CADM2: variants seen among roughly 807,000 people sequenced by gnomAD.
The protein encoded by CADM2 is cell adhesion molecule 2.
In CADM2, 12 loss-of-function variants were observed where a neutral mutation model predicts 49.8. The ratio of observed to expected loss-of-function variants is 0.24; its 90% CI spans 0.15 to 0.39. The LOEUF (loss-of-function observed/expected upper bound fraction) is 0.39, where lower values mean the gene tolerates loss of function less well. Ranked by LOEUF, CADM2 falls within the 10% of genes least tolerant of loss-of-function variation. The pLI is 1.00. For synonymous variants in CADM2, 214 were observed against 175.4 expected (o/e 1.22, Z -1.74); for missense variants, 378 against 492.3 (o/e 0.77, Z 2.20).
At chr3:85,771,732 G>A (rs1485874817) in intron 2 of CADM2, among the ~76,000 whole-genome samples, 1 of 152,028 alleles carries the variant, frequency 6.6e-6, no homozygotes, top group Non-Finnish European at 1.5e-5. Flanking sequence ...ATGACACATT[G>A]ATAGAATTAT....
chr3:85,154,970 A>C (rs910894754), intron 1 of CADM2, among the ~76,000 whole-genome samples: 4 of 152,118 alleles, frequency 2.6e-5, no homozygotes, highest in African/African-American at 9.6e-5. Context: ...AACCGGTACC[A>C]GCCGCTGCAA....
intron 1 of CADM2, among the ~76,000 whole-genome samples, chr3:85,352,815 A>G (rs1466989896): frequency 6.6e-6 from 1 of 152,098 alleles, no homozygotes; most frequent in Admixed American, 6.6e-5. Flanking sequence ...TTAGTCTTTG[A>G]ATCTACTGTA....
intron 3 of CADM2, among the ~76,000 whole-genome samples, chr3:85,845,523 G>A (rs987772713): frequency 6.6e-6 from 1 of 152,136 alleles, no homozygotes; most frequent in Non-Finnish European, 1.5e-5. Context: ...CTTTAAGATT[G>A]TTCATTCATG....
At chr3:85,250,225 C>T (rs1016057665) in intron 1 of CADM2, among the ~76,000 whole-genome samples, 1 of 151,518 alleles carries the variant, frequency 6.6e-6, no homozygotes, top group Non-Finnish European at 1.5e-5. Context: ...ATAGTACAAA[C>T]AGCCTCTTGT....
rs146390237 is a variant in CADM2, at chr3:85,529,661, C to T, written c.62-196861C>T. ...TGTCTCTGACCTCCAGCTGCCACCA[C>T]TGAAGCATCATGTGGAGCCCCATCC... On this transcript the variant is annotated intron_variant, in intron 1 of 9. Coordinates refer to ENST00000383699, the MANE Select transcript of CADM2 (RefSeq NM_001167675.2). Among the ~76,000 whole-genome samples the T allele has an allele frequency of 9.2e-5, 14 of 152,142 alleles. No homozygotes were observed. In the East Asian group the frequency reaches 2.7e-3, roughly 30 times the overall value.
At chr3:85,615,470 C>T (rs924495014) in intron 1 of CADM2, among the ~76,000 whole-genome samples, 1 of 151,882 alleles carries the variant, frequency 6.6e-6, no homozygotes, top group Non-Finnish European at 1.5e-5. Context: ...ACAAAATAAT[C>T]TCAATGAGGC....
intron 1 of CADM2, among the ~76,000 whole-genome samples, chr3:85,586,703 A>G (rs991765421): frequency 6.6e-6 from 1 of 152,126 alleles, no homozygotes; most frequent in Non-Finnish European, 1.5e-5. Flanking sequence ...ATTCCTTTTA[A>G]TGAAAACAGC....
intron 8 of CADM2, among the ~76,000 whole-genome samples, chr3:86,026,881 A>G (rs1370311810): frequency 6.6e-6 from 1 of 152,162 alleles, no homozygotes; most frequent in Non-Finnish European, 1.5e-5. Flanking sequence ...AATAAAATAT[A>G]TTGGTTCAAA....
At chr3:85,847,754 G>T (rs574380896) in intron 3 of CADM2, among the ~76,000 whole-genome samples, 1 of 152,016 alleles carries the variant, frequency 6.6e-6, no homozygotes, top group Non-Finnish European at 1.5e-5. Context: ...CCCTTAAAAG[G>T]CCCATTAATG....
intron 3 of CADM2, among the ~76,000 whole-genome samples, chr3:85,861,439 G>A (rs1305921603): frequency 1.3e-5 from 2 of 152,096 alleles, no homozygotes; most frequent in Non-Finnish European, 2.9e-5. Context: ...GACATAAAAT[G>A]GAGTGGGAAA....
Position 86,018,560 on chromosome 3 carries a change from G to T in CADM2, c.971-47045G>T, listed in dbSNP as rs1176064475. On this transcript the variant is annotated intron_variant, in intron 8 of 9. Transcript: ENST00000383699. ...ACCTGTTGTTTCCTGACTTTTTAATGATTGCCATTCTAACTGGTGTGAGAT... is the reference window on the plus strand; with the variant it reads ...ACCTGTTGTTTCCTGACTTTTTAATTATTGCCATTCTAACTGGTGTGAGAT... 4.6e-5 allele frequency among the ~76,000 whole-genome samples: 7 copies of T among 152,230 alleles called. No individual in the cohort carries two copies. In the East Asian group the frequency reaches 1.4e-3, roughly 29 times the overall value.
chr3:85,336,954 TAA>T (rs2045097606), intron 1 of CADM2, among the ~76,000 whole-genome samples: 2 of 38,480 alleles, frequency 5.2e-5, no homozygotes, highest in Non-Finnish European at 2.0e-4. Flanking sequence ...TATATATATT[TAA>T]TATATATATT....
intron 1 of CADM2, among the ~76,000 whole-genome samples, chr3:85,569,342 C>CATCTAGCTT (rs2062408918): frequency 6.6e-6 from 1 of 151,938 alleles, no homozygotes; most frequent in South Asian, 2.1e-4. Flanking sequence ...TATATTTAAT[C>CATCTAGCTT]ATCTAGCCAT....
At chr3:84,992,795 C>T (rs143877891) in intron 1 of CADM2, among the ~76,000 whole-genome samples, 3 of 152,216 alleles carry the variant, frequency 2.0e-5, no homozygotes, top group African/African-American at 7.2e-5. Flanking sequence ...CCACTAATAT[C>T]TCAAAAGTGA....
chr3:85,766,236 A>G (rs1559641662), intron 2 of CADM2, among the ~76,000 whole-genome samples: 1 of 152,126 alleles, frequency 6.6e-6, no homozygotes, highest in Admixed American at 6.6e-5. Flanking sequence ...CCATATAACA[A>G]GGTGTATAAT....
intron 1 of CADM2, among the ~76,000 whole-genome samples, chr3:85,422,995 G>T (rs1312080592): frequency 6.6e-6 from 1 of 152,132 alleles, no homozygotes; most frequent in African/African-American, 2.4e-5. Flanking sequence ...CGTCCAGGAA[G>T]AATCAGGATA....
intron 1 of CADM2, among the ~76,000 whole-genome samples, chr3:85,610,219 G>A: frequency 6.6e-6 from 1 of 151,812 alleles, no homozygotes; most frequent in East Asian, 1.9e-4. Flanking sequence ...CAATCTTTAT[G>A]CAAAAGATCT....
chr3:85,947,791 G>A (rs898305275), intron 7 of CADM2, among the ~76,000 whole-genome samples: 7 of 151,544 alleles, frequency 4.6e-5, no homozygotes, highest in African/African-American at 1.7e-4. Flanking sequence ...TCTGCGGTGT[G>A]TTGGGCACTC....
At chr3:85,370,042 G>A (rs908684582) in intron 1 of CADM2, among the ~76,000 whole-genome samples, 145 of 151,628 alleles carry the variant, frequency 9.6e-4, no homozygotes, top group African/African-American at 3.1e-3. Context: ...CAAAAACCCC[G>A]TGTCTACTAA....
Sources: allele counts gnomAD v4.1 joint callset (sites outside exome capture counted in the v4.1 genomes callset), GRCh38; gene constraint gnomAD v4.1.1; transcripts MANE v1.5; gene names NCBI Gene and HGNC (gene_info 2026-07-23, HGNC 2026-07-21).